IARS1: variants seen among roughly 807,000 people sequenced by gnomAD.
The protein encoded by IARS1 is isoleucyl-tRNA synthetase 1, also known as isoleucine--tRNA ligase, cytoplasmic.
IARS1 carries 124 observed loss-of-function variants against 168.2 expected under a neutral mutation model. The observed-to-expected ratio is 0.74, with a 90% CI of 0.64 to 0.86. The LOEUF is 0.86. Among genes scored for constraint, IARS1 ranks in the 40% least tolerant of loss-of-function variants. IARS1 has a pLI of 0.00. For missense variants in IARS1, 1,452 were observed against 1,515.8 expected (o/e 0.96, Z 0.70); for synonymous variants, 532 against 529.4 (o/e 1.00, Z -0.07).
intron 27 of IARS1, among the ~76,000 whole-genome samples, chr9:92,244,009 G>T (rs536198700): frequency 3.9e-5 from 6 of 152,120 alleles, no homozygotes; most frequent in Non-Finnish European, 8.8e-5. Context: ...AGTAAACAGA[G>T]AAGTTAAGAA....
intron 26 of IARS1, 54 bp from the exon 27 acceptor site, chr9:92,245,125 C>A: frequency 7.2e-7 from 1 of 1,386,676 alleles, no homozygotes; most frequent in South Asian, 1.2e-5. Flanking sequence ...TCAAGCTGCC[C>A]CACTACCCGT....
intron 11 of IARS1, 47 bp from the exon 12 acceptor site, chr9:92,271,123 T>G: frequency 8.8e-7 from 1 of 1,132,960 alleles, no homozygotes; most frequent in African/African-American, 1.5e-5. Flanking sequence ...ACTATAATAC[T>G]TAGGAACAAT....
intron 16 of IARS1, 64 bp downstream of exon 16, chr9:92,264,865 G>C: frequency 7.1e-7 from 1 of 1,411,766 alleles, no homozygotes; most frequent in East Asian, 2.3e-5. Flanking sequence ...CAGTGACTTA[G>C]TAAAATACTC....
rs1413985244 is a variant in IARS1, at chr9:92,240,912, G to A, written c.3227C>T (p.Pro1076Leu). The A allele has an allele frequency of 3.7e-6, 6 of 1,613,586 alleles. No individual in the cohort carries two copies. The highest frequency in any genetic ancestry group is 5.1e-6 in the Non-Finnish European group (6 of 1,179,630). ...EITLTRGSSL[P>L]GPACAYVNLN... ...ATTGACATATGCACAAGCAGGACCA[G>A]GAAGGGAAGATCCTCTGGTGAGTGT... The change falls in exon 30 of 34, where the codon CCT becomes CTT. Residue 1076 changes from proline to leucine, a missense_variant. Transcript: ENST00000443024.
chr9:92,269,508 A>T (rs1832732213), intron 13 of IARS1, among the ~76,000 whole-genome samples: 1 of 152,204 alleles, frequency 6.6e-6, no homozygotes, highest in African/African-American at 2.4e-5. Flanking sequence ...GTAAGTACAA[A>T]TGGCTTTTGC....
chr9:92,247,581 A>C, intron 25 of IARS1, 30 bp from the exon 26 acceptor site: 1 of 1,597,336 alleles, frequency 6.3e-7, no homozygotes. Context: ...GGAAACAAAA[A>C]TGAGAAATGA....
chr9:92,226,884 T>C (rs1057437202), intron 31 of IARS1, among the ~76,000 whole-genome samples: 13 of 142,026 alleles, frequency 9.2e-5, no homozygotes, highest in African/African-American at 3.2e-4. Context: ...AGGACAATAG[T>C]GGAGGGAAGG....
At chr9:92,288,038 C>T in intron 3 of IARS1, 88 bp downstream of exon 3, 8 of 1,507,632 alleles carry the variant, frequency 5.3e-6, no homozygotes, top group Non-Finnish European at 5.5e-6. Context: ...TGACAGTCAA[C>T]GTTCATCATA....
intron 30 of IARS1, among the ~76,000 whole-genome samples, chr9:92,229,358 TACACACAC>T (rs113517739): frequency 1.1e-3 from 156 of 144,910 alleles, no homozygotes; most frequent in African/African-American, 3.5e-3. Context: ...ATATATACAC[TACACACAC>T]ACACACACAC....
At chr9:92,268,665 A>T (rs1391829649) in intron 13 of IARS1, among the ~76,000 whole-genome samples, 1 of 152,228 alleles carries the variant, frequency 6.6e-6, no homozygotes, top group Non-Finnish European at 1.5e-5. Flanking sequence ...CTCATTAAGC[A>T]AAGGCCAACA....
At position 92,274,526 on chromosome 9, in the gene IARS1, A is replaced by T. The variant is rs530301788; in HGVS notation, c.895-5T>A. 208 of 1,607,084 alleles carry T rather than the reference A, an allele frequency of 1.3e-4. No individual in the cohort carries two copies. In the South Asian group the frequency reaches 2.2e-3, roughly 17 times the overall value. ...GAAAGCGCCATTCTCTTTACACTGG[A>T]AAGAAAGGACAGCAGGCTTCAGGGA... On this transcript the variant is annotated splice_polypyrimidine_tract_variant and splice_region_variant and intron_variant, in intron 9 of 33. Transcript: ENST00000443024.
At chr9:92,215,404 G>A (rs940322457) in intron 33 of IARS1, among the ~76,000 whole-genome samples, 12 of 152,212 alleles carry the variant, frequency 7.9e-5, no homozygotes, top group South Asian at 4.1e-4. Context: ...CACCAGCAAC[G>A]GAACAAAGCT....
chr9:92,269,619 T>G (rs1345593101), intron 13 of IARS1, among the ~76,000 whole-genome samples: 1 of 152,234 alleles, frequency 6.6e-6, no homozygotes, highest in Non-Finnish European at 1.5e-5. Context: ...TTTCATTCCC[T>G]AAATCGAATA....
At chr9:92,263,178 G>C in intron 16 of IARS1, 123 bp from the exon 17 acceptor site, 1 of 670,090 alleles carries the variant, frequency 1.5e-6, no homozygotes, top group Non-Finnish European at 2.6e-6. Flanking sequence ...ATCACTTAAA[G>C]CAATGATTCT....
intron 31 of IARS1, among the ~76,000 whole-genome samples, chr9:92,224,665 T>C (rs1171421583): frequency 1.3e-5 from 2 of 151,902 alleles, no homozygotes; most frequent in Non-Finnish European, 2.9e-5. Flanking sequence ...AGACCTCCTC[T>C]CTACAAAAAA....
chr9:92,270,520 C>T (rs776377299), intron 12 of IARS1, among the ~76,000 whole-genome samples: 49 of 152,154 alleles, frequency 3.2e-4, no homozygotes, highest in African/African-American at 9.9e-4. Flanking sequence ...CTAGACCAGG[C>T]GCTGTGGCTC....
chr9:92,222,394 C>G, intron 33 of IARS1, 126 bp downstream of exon 33: 16 of 347,666 alleles, frequency 4.6e-5, no homozygotes, highest in East Asian at 2.3e-4. Context: ...TGGTAAATTT[C>G]TGGGGAAAGA....
At chr9:92,253,739 A>G (rs1461743196) in intron 20 of IARS1, 8 of 511,184 alleles carry the variant, frequency 1.6e-5, no homozygotes, top group African/African-American at 1.3e-4. Flanking sequence ...TGTGTGGATC[A>G]AAGTCCAAGA....
chr9:92,276,347 A>C (rs1833772591), intron 9 of IARS1, among the ~76,000 whole-genome samples: 1 of 152,204 alleles, frequency 6.6e-6, no homozygotes, highest in Admixed American at 6.5e-5. Context: ...TGAATAAAGG[A>C]TATGTCTAAA....
Sources: allele counts gnomAD v4.1 joint callset (sites outside exome capture counted in the v4.1 genomes callset), GRCh38; gene constraint gnomAD v4.1.1; transcripts MANE v1.5; gene names NCBI Gene and HGNC (gene_info 2026-07-23, HGNC 2026-07-21).